RBFOX1: variants seen among roughly 807,000 people sequenced by gnomAD.
RBFOX1 encodes the protein RNA binding protein fox-1 homolog 1.
Under a neutral mutation model 57.7 loss-of-function variants are expected in RBFOX1, and 8 were observed. The ratio of observed to expected loss-of-function variants is 0.14; its 90% confidence interval spans 0.08 to 0.25. The LOEUF is 0.25. Among genes scored for constraint, RBFOX1 ranks in the 10% least tolerant of loss-of-function variants. The probability of loss-of-function intolerance (pLI) is 1.00; values close to 1 mark genes in which losing one functional copy is unlikely to be tolerated. For synonymous variants in RBFOX1, 326 were observed against 222.4 expected, an observed-to-expected ratio of 1.47 and a Z score of -4.15; for missense variants, 611 against 548.5, an observed-to-expected ratio of 1.11 and a Z score of -1.14.
chr16:7,423,359 G>C (rs1053313413), intron 4 of RBFOX1, among the ~76,000 whole-genome samples: 1 of 152,070 alleles, frequency 6.6e-6, no homozygotes, highest in East Asian at 1.9e-4. Flanking sequence ...AAAAGTTGTG[G>C]GGGGTGGGGG....
At chr16:7,189,076 A>G (rs9937276) in intron 4 of RBFOX1, among the ~76,000 whole-genome samples, 17 of 151,940 alleles carry the variant, frequency 1.1e-4, no homozygotes, top group Admixed American at 5.2e-4. Context: ...CTCAATGGAT[A>G]GAATCCTCAT....
At chr16:6,337,215 C>T (rs1465393524) in intron 2 of RBFOX1, among the ~76,000 whole-genome samples, 6 of 152,156 alleles carry the variant, frequency 3.9e-5, no homozygotes, top group Non-Finnish European at 8.8e-5. Context: ...CTCATTTCCC[C>T]CAAAACACCA....
intron 4 of RBFOX1, among the ~76,000 whole-genome samples, chr16:7,308,428 T>C (rs2096242969): frequency 6.6e-6 from 1 of 152,070 alleles, no homozygotes; most frequent in African/African-American, 2.4e-5. Context: ...TGTCAAGCCC[T>C]ATCCACTGAG....
intron 12 of RBFOX1, among the ~76,000 whole-genome samples, chr16:7,661,586 C>G (rs1002348691): frequency 2.0e-5 from 3 of 152,218 alleles, no homozygotes; most frequent in African/African-American, 7.2e-5. Flanking sequence ...CCTGCAGTAT[C>G]TATCTCAGCT....
At chr16:6,032,090 C>A (rs2095298850) in intron 1 of RBFOX1, among the ~76,000 whole-genome samples, 1 of 151,918 alleles carries the variant, frequency 6.6e-6, no homozygotes, top group African/African-American at 2.4e-5. Context: ...CCACAGAGAC[C>A]CTTAGCCTCT....
intron 4 of RBFOX1, among the ~76,000 whole-genome samples, chr16:7,109,877 G>T (rs1157704910): frequency 6.6e-6 from 1 of 152,120 alleles, no homozygotes; most frequent in Non-Finnish European, 1.5e-5. Flanking sequence ...AGCATTCACT[G>T]AACTTTTCAT....
intron 4 of RBFOX1, among the ~76,000 whole-genome samples, chr16:5,990,108 C>CT (rs1287640960): frequency 1.3e-5 from 2 of 152,154 alleles, no homozygotes; most frequent in Non-Finnish European, 2.9e-5. Flanking sequence ...TCCTCAGCCT[C>CT]TGGAGTAGCT....
chr16:7,306,300 T>A (rs2096183378), intron 4 of RBFOX1, among the ~76,000 whole-genome samples: 1 of 152,138 alleles, frequency 6.6e-6, no homozygotes, highest in Non-Finnish European at 1.5e-5. Context: ...AGAACAAACA[T>A]ATAAGATAAA....
chr16:6,154,709 A>T (rs1567574993), intron 1 of RBFOX1, among the ~76,000 whole-genome samples: 1 of 152,216 alleles, frequency 6.6e-6, no homozygotes, highest in Non-Finnish European at 1.5e-5. Flanking sequence ...GGTTTGAGCA[A>T]AGAAAATATT....
rs563241502 is a variant in RBFOX1 at position 6,888,177 on chromosome 16, G to C, written c.-15-163880G>C. Among the ~76,000 whole-genome samples, 5 of 152,146 alleles carry C rather than the reference G, an allele frequency of 3.3e-5. No homozygotes were observed. The South Asian group carries it at 1.0e-3, about 32-fold the overall frequency. On this transcript the variant is annotated intron_variant, in intron 3 of 15. Coordinates refer to ENST00000550418, the MANE Select transcript of RBFOX1 (RefSeq NM_018723.4). ...CAGTAGGCAGTAGTTGTGACATTTT[G>C]AACATTTTATTTCTTTACCCAAAAA...
chr16:5,374,581 G>A (rs1015512453), intron 1 of RBFOX1, among the ~76,000 whole-genome samples: 1 of 152,120 alleles, frequency 6.6e-6, no homozygotes, highest in Admixed American at 6.6e-5. Flanking sequence ...GGCAGGGTCC[G>A]GCTAAGAGGG....
In RBFOX1 at chr16:7,518,293, T is replaced by C; in HGVS notation, c.174T>C (p.Val58=). ...CAGAGTACACAGGCCAGACCACGGT[T>C]CCCGAGCACACATTAAACCTGTACC... ...PAPEYTGQTT[V]PEHTLNLYPP... The change falls in exon 5 of 16, where the codon GTT becomes GTC. Residue 58 remains valine (V), a synonymous_variant. Coordinates refer to ENST00000550418, the MANE Select transcript of RBFOX1 (RefSeq NM_018723.4). 6.2e-7 allele frequency: 1 copy of C among 1,614,108 alleles called. No individual in the cohort carries two copies. Among genetic ancestry groups the C allele is most frequent in the Non-Finnish European group, 8.5e-7 (1 of 1,180,010 alleles).
chr16:5,559,888 A>G (rs1188747107), intron 2 of RBFOX1, among the ~76,000 whole-genome samples: 2 of 134,864 alleles, frequency 1.5e-5, no homozygotes, highest in African/African-American at 5.3e-5. Flanking sequence ...GCTGTACTCC[A>G]GCCATCCTGA....
chr16:6,572,586 C>G (rs1322740569), intron 2 of RBFOX1, among the ~76,000 whole-genome samples: 3 of 151,708 alleles, frequency 2.0e-5, no homozygotes, highest in Non-Finnish European at 4.4e-5. Context: ...TTCACATCTT[C>G]CCACCTTCTC....
At chr16:5,927,638 T>G (rs2058964778) in intron 4 of RBFOX1, among the ~76,000 whole-genome samples, 1 of 152,230 alleles carries the variant, frequency 6.6e-6, no homozygotes, top group African/African-American at 2.4e-5. Context: ...CGAAGAGATA[T>G]CTGCAGTCTC....
chr16:5,993,768 G>A (rs763047431), intron 4 of RBFOX1, among the ~76,000 whole-genome samples: 37 of 152,266 alleles, frequency 2.4e-4, no homozygotes, highest in African/African-American at 7.9e-4. Context: ...GAGCAGTGCC[G>A]TAAAATTGAT....
At chr16:6,542,483 CTTTTTTTT>C (rs71145245) in intron 2 of RBFOX1, among the ~76,000 whole-genome samples, 1 of 55,720 alleles carries the variant, frequency 1.8e-5, no homozygotes, top group African/African-American at 7.6e-5. Flanking sequence ...GGACCATAGT[CTTTTTTTT>C]TTTTTTTTTT....
intron 3 of RBFOX1, among the ~76,000 whole-genome samples, chr16:5,799,328 T>A (rs545978936): frequency 2.0e-5 from 3 of 152,162 alleles, no homozygotes; most frequent in African/African-American, 7.2e-5. Context: ...AAGATGAGAT[T>A]TGGGTGGGGA....
intron 3 of RBFOX1, among the ~76,000 whole-genome samples, chr16:5,646,362 C>G (rs1426849542): frequency 3.3e-5 from 5 of 151,918 alleles, no homozygotes; most frequent in Non-Finnish European, 7.4e-5. Context: ...TGATCTCAAC[C>G]TCCTTGACTA....
Sources: gnomAD v4.1 joint callset for allele counts (sites outside exome capture counted in the v4.1 genomes callset) on GRCh38, gnomAD v4.1.1 for gene constraint, MANE v1.5 for transcripts, NCBI Gene and HGNC (gene_info 2026-07-23, HGNC 2026-07-21) for gene names.